The following MYO1H variants were observed in gnomAD, a reference collection of about 807,000 sequenced individuals.
MYO1H encodes unconventional myosin-Ih.
MYO1H carries 118 observed loss-of-function variants against 149.3 expected under a neutral mutation model. The observed-to-expected ratio is 0.79, with a 90% CI of 0.68 to 0.92. The LOEUF (loss-of-function observed/expected upper bound fraction) is 0.92. MYO1H is among the 40% of genes least tolerant of loss of function. The probability of loss-of-function intolerance (pLI) is 0.00; values close to 1 mark genes in which losing one functional copy is unlikely to be tolerated. For missense variants in MYO1H, 1,212 were observed against 1,280.7 expected, an observed-to-expected ratio of 0.95 and a Z score of 0.82; for synonymous variants, 447 against 465.2, an observed-to-expected ratio of 0.96 and a Z score of 0.50.
the MYO1H span, among the ~76,000 whole-genome samples, chr12:109,328,792 T>C: frequency 6.6e-6 from 1 of 152,236 alleles, no homozygotes; most frequent in African/African-American, 2.4e-5. Context: ...TGAGGTATTA[T>C]TGACACATAA....
chr12:109,376,916 T>C (rs1869098067), intron 1 of MYO1H, among the ~76,000 whole-genome samples: 1 of 152,250 alleles, frequency 6.6e-6, no homozygotes, highest in Non-Finnish European at 1.5e-5. Flanking sequence ...TACTGAGTCT[T>C]TCCATTCATG....
chr12:109,356,015 G>A (rs1040776698), intron 1 of MYO1H, among the ~76,000 whole-genome samples: 2 of 152,006 alleles, frequency 1.3e-5, no homozygotes, highest in Admixed American at 6.5e-5. Context: ...ACCACACCTG[G>A]CCACAGCCTT....
chr12:109,347,181 G>A (rs2048105529), upstream of MYO1H, among the ~76,000 whole-genome samples: 2 of 152,184 alleles, frequency 1.3e-5, no homozygotes, highest in African/African-American at 4.8e-5. Context: ...TGTTGCAGCA[G>A]CAGGCTCAAG....
intron 19 of MYO1H, among the ~76,000 whole-genome samples, chr12:109,431,844 T>C (rs1871634686): frequency 6.6e-6 from 1 of 152,060 alleles, no homozygotes; most frequent in Non-Finnish European, 1.5e-5. Flanking sequence ...CTTTCTCTTC[T>C]CTACTCTTTC....
chr12:109,447,418 C>T (rs970297782), exon 32 of MYO1H: 13 of 596,024 alleles, frequency 2.2e-5, no homozygotes, highest in African/African-American at 1.3e-4. Flanking sequence ...CCAGGTCACC[C>T]GAAGGCGCAA....
intron 24 of MYO1H, 60 bp downstream of exon 24, chr12:109,439,850 C>A: frequency 6.8e-7 from 1 of 1,473,688 alleles, no homozygotes; most frequent in Non-Finnish European, 9.4e-7. Context: ...CGAAGCTTAA[C>A]TCTTGCATGT....
the MYO1H span, among the ~76,000 whole-genome samples, chr12:109,327,391 T>A: frequency 6.6e-6 from 1 of 151,326 alleles, no homozygotes. Context: ...CCTCGGCCAC[T>A]CAAAGTGCTG....
At chr12:109,372,730 A>T (rs752577885) in intron 1 of MYO1H, among the ~76,000 whole-genome samples, 10 of 151,988 alleles carry the variant, frequency 6.6e-5, no homozygotes, top group Non-Finnish European at 1.2e-4. Flanking sequence ...TTTCTTTCAG[A>T]AATTTCCTGG....
At chr12:109,421,107 T>A in intron 16 of MYO1H, 80 bp downstream of exon 16, 1 of 1,026,688 alleles carries the variant, frequency 9.7e-7, no homozygotes, top group Non-Finnish European at 1.5e-6. Flanking sequence ...AGAATTCGCC[T>A]TCTGGATTTT....
intron 12 of MYO1H, 72 bp downstream of exon 12, chr12:109,410,140 A>G: frequency 1.3e-6 from 1 of 789,476 alleles, no homozygotes; most frequent in Non-Finnish European, 1.8e-6. Flanking sequence ...TAATTTAATT[A>G]ATTTTTTTTT....
Position 109,407,914 on chromosome 12 carries a change from G to A in MYO1H, c.1155+1G>A. The A allele has an allele frequency of 1.2e-6, 2 of 1,613,892 alleles. No homozygotes were observed. The highest frequency in any genetic ancestry group is 1.3e-5 in the African/African-American group (1 of 74,994). On this transcript the variant is annotated splice_donor_variant, in intron 10 of 31. Transcript: ENST00000310903. LOFTEE classifies it high-confidence loss of function. ...AATCAATTCCTCCTTAGTTAACAAG[G>A]TTGGTCAACGCATTTTGGATCCCTT... is the stretch of plus-strand genomic sequence containing the variant.
chr12:109,401,408 A>G lies in MYO1H; in HGVS notation c.750+136A>G, dbSNP rs944452651. The stretch of plus-strand genomic sequence containing the variant: ...GTCCTATTGGCTGATTTCTCCATAT[A>G]TATATCACAAGCAATCTAATCCATC... On this transcript the variant is annotated intron_variant, in intron 6 of 31. Coordinates refer to ENST00000310903, the Ensembl canonical transcript of MYO1H. The G allele has an allele frequency of 1.5e-5, 13 of 859,200 alleles. No homozygotes were observed. In the East Asian group the frequency reaches 3.0e-4, roughly 20 times the overall value. 53.2% of individuals were successfully genotyped at this position (859,200 alleles called of 1,614,324 possible). A position where few individuals can be genotyped will look rare whatever the true frequency, so the allele number is the denominator to read the frequency against.
chr12:109,421,578 G>T (rs1431303576), intron 16 of MYO1H, among the ~76,000 whole-genome samples: 10 of 152,118 alleles, frequency 6.6e-5, no homozygotes, highest in African/African-American at 2.4e-4. Flanking sequence ...AATGTTAGGA[G>T]AGGGGGCTGA....
At chr12:109,376,924 A>G (rs1166392477) in intron 1 of MYO1H, among the ~76,000 whole-genome samples, 1 of 152,236 alleles carries the variant, frequency 6.6e-6, no homozygotes, top group African/African-American at 2.4e-5. Flanking sequence ...CTTTCCATTC[A>G]TGAATATGGT....
chr12:109,409,509 C>T, intron 10 of MYO1H, 48 bp from the exon 11 acceptor site: 1 of 1,535,300 alleles, frequency 6.5e-7, no homozygotes, highest in Non-Finnish European at 9.0e-7. Context: ...TTTTGAGTAG[C>T]ACAAAGGAAA....
chr12:109,436,358 TC>T, intron 21 of MYO1H, 129 bp from the exon 22 acceptor site: 1 of 644,076 alleles, frequency 1.6e-6, no homozygotes, highest in Non-Finnish European at 2.8e-6. Flanking sequence ...TGAAATAGCT[TC>T]CTGAAACATC....
the MYO1H span, among the ~76,000 whole-genome samples, chr12:109,333,583 C>A: frequency 6.6e-6 from 1 of 152,090 alleles, no homozygotes; most frequent in Non-Finnish European, 1.5e-5. Context: ...CACAGGAACA[C>A]GTGACTGTGG....
chr12:109,439,697 T>C (rs1872031135), exon 24 of MYO1H: 4 of 1,613,824 alleles, frequency 2.5e-6, no homozygotes, highest in Non-Finnish European at 3.4e-6. Context: ...TTATCGTGTT[T>C]GTGCGGAAGA....
intron 5 of MYO1H, among the ~76,000 whole-genome samples, chr12:109,400,875 T>C (rs1391076110): frequency 6.6e-6 from 1 of 152,138 alleles, no homozygotes; most frequent in African/African-American, 2.4e-5. Flanking sequence ...GAAAAAGACA[T>C]AGAAACTATC....
Sources: gnomAD v4.1 joint callset for allele counts (sites outside exome capture counted in the v4.1 genomes callset) on GRCh38, gnomAD v4.1.1 for gene constraint, MANE v1.5 for transcripts, NCBI Gene and HGNC (gene_info 2026-07-23, HGNC 2026-07-21) for gene names.